The following PTPRD variants were observed in gnomAD, a reference collection of about 807,000 sequenced individuals.
The protein encoded by PTPRD is protein tyrosine phosphatase receptor type D.
A neutral mutation model predicts 214.5 loss-of-function variants in PTPRD; 34 were observed. The observed-to-expected ratio is 0.16, with a 90% CI of 0.12 to 0.21. The LOEUF is 0.21. Among genes scored for constraint, PTPRD ranks in the 10% least tolerant of loss-of-function variants. The pLI is 1.00. For missense variants in PTPRD, 2,545 were observed against 2,398.7 expected (o/e 1.06, Z -1.27); for synonymous variants, 1,128 against 845.7 (o/e 1.33, Z -5.79).
chr9:9,123,161 C>T (rs919087240), intron 10 of PTPRD, among the ~76,000 whole-genome samples: 6 of 152,266 alleles, frequency 3.9e-5, no homozygotes, highest in Admixed American at 1.3e-4. Context: ...CACTGAAACA[C>T]TAATATTTTC....
At chr9:8,564,942 G>C (rs892027860) in intron 14 of PTPRD, among the ~76,000 whole-genome samples, 1 of 152,138 alleles carries the variant, frequency 6.6e-6, no homozygotes, top group Non-Finnish European at 1.5e-5. Flanking sequence ...GAAATCATGA[G>C]ATTCTCAAAA....
At chr9:9,817,239 A>C (rs1388224910) in intron 5 of PTPRD, among the ~76,000 whole-genome samples, 1 of 152,182 alleles carries the variant, frequency 6.6e-6, no homozygotes, top group African/African-American at 2.4e-5. Flanking sequence ...AAATCTTTTA[A>C]CAACTAACTA....
chr9:8,371,970 T>C (rs912723702), intron 39 of PTPRD, among the ~76,000 whole-genome samples: 3 of 151,976 alleles, frequency 2.0e-5, no homozygotes, highest in African/African-American at 7.2e-5. Flanking sequence ...TGATAAGCAG[T>C]TCACACCTCA....
chr9:10,443,919 T>G (rs1023381583), intron 2 of PTPRD, among the ~76,000 whole-genome samples: 1 of 151,592 alleles, frequency 6.6e-6, no homozygotes, highest in Non-Finnish European at 1.5e-5. Context: ...TTTTTCAATT[T>G]ACTTGTTGGT....
chr9:9,043,819 G>A (rs1005796190), intron 10 of PTPRD, among the ~76,000 whole-genome samples: 21 of 151,904 alleles, frequency 1.4e-4, no homozygotes, highest in African/African-American at 4.1e-4. Context: ...CAGGAGAATC[G>A]CTTGAACTTG....
Position 8,486,182 on chromosome 9 carries a change from G to A in PTPRD, c.2635C>T (p.His879Tyr), listed in dbSNP as rs201583436. 1.7e-5 allele frequency: 28 copies of A among 1,614,060 alleles called. No individual in the cohort carries two copies. In the Admixed American group the frequency reaches 2.2e-4, roughly 12 times the overall value. The stretch of plus-strand genomic sequence containing the variant: ...TTGTGGATGTCTGTAGCTGTAAAGT[G>A]ATCTTCTTTTTCAGAGAACTCAAGA... ...TTLEFSEKED[H>Y]FTATDIHKGA... Residue 879 changes from histidine to tyrosine, a missense_variant, in exon 28 of 46, where the codon CAC becomes TAC. Physicochemically the swap from His to Tyr is moderately conservative, Grantham distance 83. Coordinates refer to ENST00000381196, the MANE Select transcript of PTPRD (RefSeq NM_002839.4).
intron 5 of PTPRD, among the ~76,000 whole-genome samples, chr9:9,824,521 A>G (rs1446680907): frequency 6.6e-6 from 1 of 152,006 alleles, no homozygotes; most frequent in Non-Finnish European, 1.5e-5. Flanking sequence ...TTTTACTGTT[A>G]TGAATTAACT....
intron 3 of PTPRD, among the ~76,000 whole-genome samples, chr9:10,267,966 C>T (rs1009784377): frequency 6.6e-6 from 1 of 151,866 alleles, no homozygotes; most frequent in Non-Finnish European, 1.5e-5. Context: ...AAAATTTATG[C>T]TAAAAAAATA....
rs76450284 is a variant in PTPRD at position 9,736,000 on chromosome 9, T to C, written c.-325-1429A>G. On this transcript the variant is annotated intron_variant, in intron 6 of 45. Coordinates refer to ENST00000381196, the MANE Select transcript of PTPRD (RefSeq NM_002839.4). ...CCAGTACATAGAAGCCTGTGGCTTG[T>C]TCTGTCACACTGGGTAAGTGTATAT... Among the ~76,000 whole-genome samples the C allele has an allele frequency of 3.3e-3, 509 of 152,224 alleles. 1 individual carries two copies. Among genetic ancestry groups the C allele is most frequent in the Non-Finnish European group, 6.0e-3 (408 of 67,940 alleles).
intron 17 of PTPRD, among the ~76,000 whole-genome samples, chr9:8,525,589 A>AG (rs1470290272): frequency 2.0e-5 from 3 of 152,216 alleles, no homozygotes; most frequent in Non-Finnish European, 2.9e-5. Flanking sequence ...AAACTCCCTT[A>AG]AGACATGCAG....
intron 8 of PTPRD, among the ~76,000 whole-genome samples, chr9:9,486,664 C>A (rs1299171873): frequency 6.6e-6 from 1 of 152,150 alleles, no homozygotes; most frequent in East Asian, 1.9e-4. Context: ...TATGTTGGCA[C>A]TGGAATCCAC....
intron 7 of PTPRD, among the ~76,000 whole-genome samples, chr9:9,654,169 G>A (rs566126893): frequency 6.6e-6 from 1 of 152,206 alleles, no homozygotes; most frequent in East Asian, 1.9e-4. Flanking sequence ...GCCGTATAAT[G>A]TAACTAGGCA....
At chr9:10,288,155 T>A (rs1441624771) in intron 3 of PTPRD, among the ~76,000 whole-genome samples, 2 of 97,990 alleles carry the variant, frequency 2.0e-5, no homozygotes, top group African/African-American at 8.1e-5. Context: ...CAGAAAAAAT[T>A]GGGGGTGGGG....
At chr9:9,634,083 A>G (rs1050061781) in intron 7 of PTPRD, among the ~76,000 whole-genome samples, 5 of 152,112 alleles carry the variant, frequency 3.3e-5, no homozygotes, top group Admixed American at 2.6e-4. Context: ...ATATAATACC[A>G]GAGAGTAATA....
chr9:9,114,973 T>A (rs1221322977), intron 10 of PTPRD, among the ~76,000 whole-genome samples: 1 of 152,156 alleles, frequency 6.6e-6, no homozygotes, highest in Non-Finnish European at 1.5e-5. Flanking sequence ...ACAATGGTTA[T>A]CTACATTTCA....
At chr9:10,150,088 C>T (rs1314137962) in intron 3 of PTPRD, among the ~76,000 whole-genome samples, 3 of 152,002 alleles carry the variant, frequency 2.0e-5, no homozygotes, top group Non-Finnish European at 4.4e-5. Flanking sequence ...ATGTTTTAAA[C>T]CTGCACACTA....
At chr9:9,113,152 A>T (rs1434668299) in intron 10 of PTPRD, among the ~76,000 whole-genome samples, 3 of 151,382 alleles carry the variant, frequency 2.0e-5, no homozygotes, top group Non-Finnish European at 4.4e-5. Flanking sequence ...TATATATATT[A>T]TTTTTTAGAG....
At chr9:10,405,944 T>A (rs1208344501) in intron 2 of PTPRD, among the ~76,000 whole-genome samples, 2 of 151,472 alleles carry the variant, frequency 1.3e-5, no homozygotes, top group African/African-American at 4.8e-5. Flanking sequence ...ATATTAATGC[T>A]CTTAAACTAT....
intron 6 of PTPRD, among the ~76,000 whole-genome samples, chr9:9,761,835 T>C (rs2098660182): frequency 6.6e-6 from 1 of 152,210 alleles, no homozygotes; most frequent in African/African-American, 2.4e-5. Flanking sequence ...ATTGCCTACA[T>C]CAAAATCTGC....
Sources: gnomAD v4.1 joint callset for allele counts (sites outside exome capture counted in the v4.1 genomes callset) on GRCh38, gnomAD v4.1.1 for gene constraint, MANE v1.5 for transcripts, NCBI Gene and HGNC (gene_info 2026-07-23, HGNC 2026-07-21) for gene names.